The following CCDC125 variants were observed in gnomAD, a reference collection of about 807,000 sequenced individuals.
CCDC125 encodes the protein coiled-coil domain containing 125.
A neutral mutation model predicts 57.4 loss-of-function variants in CCDC125; 43 were observed. That is an observed-to-expected ratio of 0.75 (90% CI 0.59 to 0.97). The LOEUF (loss-of-function observed/expected upper bound fraction) is 0.97. Among genes scored for constraint, CCDC125 ranks in the 50% least tolerant of loss-of-function variants. The pLI, the probability that CCDC125 is intolerant of heterozygous loss-of-function variation, is 0.00. For synonymous variants in CCDC125, 187 were observed against 195.2 expected, an observed-to-expected ratio of 0.96 and a Z score of 0.35; for missense variants, 563 against 595.7, an observed-to-expected ratio of 0.95 and a Z score of 0.57.
At chr5:69,306,767 A>G (rs753283292) in intron 6 of CCDC125, 50 bp downstream of exon 6, 1 of 1,346,778 alleles carries the variant, frequency 7.4e-7, no homozygotes, top group South Asian at 2.3e-5. Flanking sequence ...CTTTTGAATT[A>G]CATAGATTTT....
the CCDC125 span, among the ~76,000 whole-genome samples, chr5:69,274,908 G>A: frequency 9.2e-5 from 14 of 152,074 alleles, no homozygotes; most frequent in South Asian, 4.2e-4. Flanking sequence ...GAGCCACCCC[G>A]CCCTGCCAGA....
At position 69,294,958 on chromosome 5, in the gene CCDC125, C is replaced by T. The variant is rs1437203157; in HGVS notation, c.817-58G>A. 4.9e-6 allele frequency: 7 copies of T among 1,434,064 alleles called. No homozygotes were observed. In the African/African-American group the frequency reaches 5.7e-5, roughly 12 times the overall value. The allele number at this position is 1,434,064 out of a possible 1,614,324, so 88.8% of individuals were successfully genotyped here. A position where few individuals can be genotyped will look rare whatever the true frequency, so the allele number is the denominator to read the frequency against. ...AGTGTCACACTGTTTTAGCTGCACA[C>T]AAACACAGGGGCATTTACACACATA... On this transcript the variant is annotated intron_variant, in intron 8 of 11. Transcript: ENST00000396496.
rs1757596596 is a variant in CCDC125 at position 69,307,958 on chromosome 5, A to G, written c.524T>C (p.Leu175Ser). 1.2e-6 allele frequency: 2 copies of G among 1,613,010 alleles called. No individual in the cohort carries two copies. Among genetic ancestry groups the G allele is most frequent in the African/African-American group, 2.7e-5 (2 of 74,930 alleles). The change falls in exon 5 of 12, where the codon TTG (leucine) becomes TCG (serine). Residue 175 changes from leucine to serine, a missense_variant. Physicochemically the swap from Leu to Ser is moderately radical, Grantham distance 145. Transcript: ENST00000396496. Reference sequence around the variant, plus strand: ...ACTAAAAGCACCAAATACCTTCTCCAAGGATCTGTTTTGTTCCATAGTTTT... The same window carrying G: ...ACTAAAAGCACCAAATACCTTCTCCGAGGATCTGTTTTGTTCCATAGTTTT... ...LQKTMEQNRS[L>S]EKEINALQWE...
intron 1 of CCDC125, among the ~76,000 whole-genome samples, chr5:69,330,681 A>G (rs1368601286): frequency 6.6e-6 from 1 of 152,128 alleles, no homozygotes; most frequent in Non-Finnish European, 1.5e-5. Flanking sequence ...CTATGCTCCA[A>G]AACACTCAGG....
chr5:69,325,106 G>A (rs1026786407), intron 1 of CCDC125, among the ~76,000 whole-genome samples: 5 of 151,898 alleles, frequency 3.3e-5, no homozygotes, highest in African/African-American at 9.7e-5. Context: ...GGCGGATCAC[G>A]TGAGGTCAGG....
At chr5:69,285,658 C>T (rs541241297) in intron 10 of CCDC125, among the ~76,000 whole-genome samples, 191 bp from the exon 11 acceptor site, 21 of 152,314 alleles carry the variant, frequency 1.4e-4, no homozygotes, top group Admixed American at 8.5e-4. Flanking sequence ...CCCTGCCATG[C>T]GGCACAGCCA....
At chr5:69,314,113 G>A (rs977830485) in intron 2 of CCDC125, 67 bp from the exon 3 acceptor site, 1 of 1,092,266 alleles carries the variant, frequency 9.2e-7, no homozygotes, top group Admixed American at 1.8e-5. Flanking sequence ...ATTAAACATA[G>A]GACATTTGTT....
chr5:69,299,111 C>CT (rs11451510), intron 8 of CCDC125, among the ~76,000 whole-genome samples: 3,566 of 129,442 alleles, frequency 0.028, 162 homozygotes, highest in African/African-American at 0.091. Context: ...TTCTTTCTTT[C>CT]TTTTTTTTTT....
chr5:69,290,882 G>A (rs1339109955), intron 10 of CCDC125, among the ~76,000 whole-genome samples: 2 of 149,758 alleles, frequency 1.3e-5, no homozygotes, highest in East Asian at 2.0e-4. Context: ...CACCCACCTC[G>A]GCCTCCCAAA....
chr5:69,329,837 C>G (rs1018585701), intron 1 of CCDC125, among the ~76,000 whole-genome samples: 1 of 152,086 alleles, frequency 6.6e-6, no homozygotes, highest in African/African-American at 2.4e-5. Context: ...CCCAGGCATA[C>G]GTGACTTGCC....
At chr5:69,289,066 A>G (rs1753980806) in intron 10 of CCDC125, among the ~76,000 whole-genome samples, 1 of 152,228 alleles carries the variant, frequency 6.6e-6, no homozygotes, top group Non-Finnish European at 1.5e-5. Flanking sequence ...ACACTGCACT[A>G]TCCTAATGGC....
chr5:69,280,187 C>A lies in CCDC125; in HGVS notation c.*2542G>T, dbSNP rs12656918. On this transcript the variant is annotated 3_prime_UTR_variant, in exon 12 of 12. Transcript: ENST00000396496. ...AAATGACCATTTTCTCATGACCATA[C>A]AGCCAACACAATAAACCTCAGCATT... 3.3e-5 allele frequency: 5 copies of A among 152,154 alleles called. No homozygotes were observed. Among genetic ancestry groups the A allele is most frequent in the Non-Finnish European group, 7.3e-5 (5 of 68,034 alleles). The allele number at this position is 152,154 out of a possible 1,614,324, so 9.4% of individuals were successfully genotyped here. A position where few individuals can be genotyped will look rare whatever the true frequency, so the allele number is the denominator to read the frequency against.
intron 1 of CCDC125, among the ~76,000 whole-genome samples, 160 bp from the exon 2 acceptor site, chr5:69,320,740 C>T (rs1759898352): frequency 6.6e-6 from 1 of 151,984 alleles, no homozygotes; most frequent in Non-Finnish European, 1.5e-5. Flanking sequence ...ATGGAATCAA[C>T]CTAAGTGTCC....
At position 69,332,786 on chromosome 5, in the gene CCDC125, G is replaced by T. The variant is rs1761569177; in HGVS notation, c.-178C>A. 1 of 152,380 alleles carries T rather than the reference G, an allele frequency of 6.6e-6. No individual in the cohort carries two copies. The highest frequency in any genetic ancestry group is 2.4e-5 in the African/African-American group (1 of 41,466). The allele number at this position is 152,380 out of a possible 1,614,324, so 9.4% of individuals were successfully genotyped here. ...TCACCTGGCAAGTAGCCTCCTCTCC[G>T]TGCGCGTGCGCCGCTGCCGCCGCGC... On this transcript the variant is annotated 5_prime_UTR_variant, in exon 1 of 12. Coordinates refer to ENST00000396496, the MANE Select transcript of CCDC125 (RefSeq NM_176816.5).
chr5:69,276,496 T>C, downstream of CCDC125: 2 of 1,569,764 alleles, frequency 1.3e-6, no homozygotes, highest in Non-Finnish European at 1.8e-6. Context: ...CCTTAACACA[T>C]TTCAGATACT....
chr5:69,304,081 A>G (rs1400373364), intron 6 of CCDC125, 152 bp from the exon 7 acceptor site: 4 of 553,338 alleles, frequency 7.2e-6, no homozygotes, highest in Non-Finnish European at 1.2e-5. Context: ...AAAAATAAAA[A>G]CAATTTAAAG....
At chr5:69,288,884 T>C (rs1186527427) in intron 10 of CCDC125, among the ~76,000 whole-genome samples, 1 of 152,210 alleles carries the variant, frequency 6.6e-6, no homozygotes, top group East Asian at 1.9e-4. Context: ...CCCTAGCATC[T>C]GGTGTCAGAA....
At chr5:69,308,700 C>G in intron 4 of CCDC125, 1 of 168,926 alleles carries the variant, frequency 5.9e-6, no homozygotes, top group Non-Finnish European at 1.2e-5. Flanking sequence ...GAAAAGATAC[C>G]CAAAAATGTG....
At chr5:69,298,115 A>G (rs1267554738) in intron 8 of CCDC125, among the ~76,000 whole-genome samples, 3 of 151,580 alleles carry the variant, frequency 2.0e-5, no homozygotes, top group Admixed American at 2.0e-4. Flanking sequence ...TCCCGGGTTC[A>G]AGCGATTCTC....
Sources: allele counts gnomAD v4.1 joint callset (sites outside exome capture counted in the v4.1 genomes callset), GRCh38; gene constraint gnomAD v4.1.1; transcripts MANE v1.5; gene names NCBI Gene and HGNC (gene_info 2026-07-23, HGNC 2026-07-21).